Variants in TMEM260 observed in about 807,000 individuals in gnomAD.
TMEM260 encodes protein O-mannosyl-transferase TMEM260.
TMEM260 carries 82 observed loss-of-function variants against 88.9 expected under a neutral mutation model. That is an observed-to-expected ratio of 0.92 (90% CI 0.77 to 1.11). The LOEUF (loss-of-function observed/expected upper bound fraction) is 1.11. TMEM260 is among the 50% of genes least tolerant of loss of function. The probability of loss-of-function intolerance (pLI) is 0.00; values close to 1 mark genes in which losing one functional copy is unlikely to be tolerated. For missense variants in TMEM260, 902 were observed against 853.4 expected (o/e 1.06, Z -0.71); for synonymous variants, 314 against 309.3 (o/e 1.02, Z -0.16).
At chr14:56,622,752 A>T (rs375763988) in intron 11 of TMEM260, among the ~76,000 whole-genome samples, 2 of 152,356 alleles carry the variant, frequency 1.3e-5, no homozygotes, top group African/African-American at 2.4e-5. Context: ...GATGAATTCA[A>T]TTGAACAAAT....
rs1162580899 is a variant in TMEM260 at position 56,596,367 on chromosome 14, CAT to C, written c.345-7441_345-7440del. 3.5e-4 allele frequency among the ~76,000 whole-genome samples: 45 copies of C among 127,142 alleles called. 1 individual carries two copies. Among genetic ancestry groups the C allele is most frequent in the East Asian group, 9.2e-4 (4 of 4,350 alleles). The allele number at this position is 127,142 out of a possible 152,430, so 83.4% of individuals were successfully genotyped here. On this transcript the variant is annotated intron_variant, in intron 3 of 15. Coordinates refer to ENST00000261556, the MANE Select transcript of TMEM260 (RefSeq NM_017799.4). ...AATAGTTTTTCTAGGGACACACACA[CAT>C]ATATATGTGAGAGTGTGTGTGTGTG...
At chr14:56,610,525 A>T (rs999891370) in intron 6 of TMEM260, among the ~76,000 whole-genome samples, 4 of 152,314 alleles carry the variant, frequency 2.6e-5, no homozygotes, top group Non-Finnish European at 4.4e-5. Context: ...TACAGGCGTG[A>T]GCCACCGCGC....
intron 12 of TMEM260, among the ~76,000 whole-genome samples, chr14:56,631,069 A>G (rs1486490921): frequency 6.6e-6 from 1 of 152,188 alleles, no homozygotes; most frequent in East Asian, 1.9e-4. Context: ...GGGGAATAAG[A>G]CAGAAGGAGA....
intron 3 of TMEM260, among the ~76,000 whole-genome samples, chr14:56,594,275 T>C (rs957837077): frequency 6.6e-6 from 1 of 152,232 alleles, no homozygotes; most frequent in African/African-American, 2.4e-5. Flanking sequence ...ATTAGCGATA[T>C]ATCTGTGAGT....
rs761998806 is a variant in TMEM260 at position 56,632,982 on chromosome 14, C to T, written c.1548-13C>T. ...AATTTTAAGTACATCATGTATTTTT[C>T]TGTTTCCAACAGAAAAGAAACATTT... On this transcript the variant is annotated splice_polypyrimidine_tract_variant and intron_variant, in intron 12 of 15. Transcript: ENST00000261556. 2 of 1,608,138 alleles carry T rather than the reference C, an allele frequency of 1.2e-6. No individual in the cohort carries two copies. The highest frequency in any genetic ancestry group is 2.2e-5 in the South Asian group (2 of 90,316).
intron 15 of TMEM260, among the ~76,000 whole-genome samples, chr14:56,644,276 C>T (rs1889805564): frequency 6.6e-6 from 1 of 152,186 alleles, no homozygotes; most frequent in Non-Finnish European, 1.5e-5. Flanking sequence ...GCTACACTAA[C>T]CAAAACAGCA....
Position 56,605,601 on chromosome 14 carries a change from T to G in TMEM260, c.554T>G (p.Leu185Arg). The change falls in exon 5 of 16, where the codon CTT becomes CGT. Residue 185 changes from leucine (L) to arginine (R), a missense_variant. Transcript: ENST00000261556. ...AAAATTGGTGCTTTCTGCTGTGGCC[T>G]TAGTTTATGTAACCAGCACACAATA... is the stretch of plus-strand genomic sequence containing the variant. ...VAKIGAFCCG[L>R]SLCNQHTIIL... The G allele has an allele frequency of 6.3e-7, 1 of 1,578,450 alleles. No individual in the cohort carries two copies. Among genetic ancestry groups the G allele is most frequent in the Admixed American group, 1.8e-5 (1 of 55,102 alleles).
chr14:56,628,645 G>A (rs867231615), intron 12 of TMEM260, among the ~76,000 whole-genome samples: 15 of 151,506 alleles, frequency 9.9e-5, no homozygotes, highest in African/African-American at 3.4e-4. Flanking sequence ...AATCTTCTGG[G>A]GTTTTTTATT....
rs950573360 is a variant in TMEM260, at chr14:56,618,486, C to T, written c.1057-108C>T. 8.2e-6 allele frequency: 8 copies of T among 970,936 alleles called. No homozygotes were observed. The African/African-American group carries it at 9.9e-5, about 12-fold the overall frequency. 60.1% of individuals were successfully genotyped at this position (970,936 alleles called of 1,614,324 possible). On this transcript the variant is annotated intron_variant, in intron 9 of 15. Transcript: ENST00000261556. ...TCAGTTAACAAAACCTGAATGACAACAGGCACACACAACTAGGTGCATGCA... is the reference window on the plus strand; with the variant it reads ...TCAGTTAACAAAACCTGAATGACAATAGGCACACACAACTAGGTGCATGCA...
downstream of TMEM260, among the ~76,000 whole-genome samples, chr14:56,653,736 C>CAAAAA (rs10522889): frequency 3.5e-4 from 23 of 66,564 alleles, no homozygotes; most frequent in South Asian, 0.011. Flanking sequence ...CTCTTGTCTC[C>CAAAAA]AAAACAAAAA....
Position 56,603,847 on chromosome 14 carries a change from C to T in TMEM260, c.377C>T (p.Ala126Val), listed in dbSNP as rs1447833652. The T allele has an allele frequency of 8.7e-6, 14 of 1,613,702 alleles. No homozygotes were observed. The highest frequency in any genetic ancestry group is 1.3e-5 in the African/African-American group (1 of 74,888). ...LSGSSAGGIL[A>V]AGVFSFSRLT... ...GGCTCATCTGCTGGAGGAATCCTTG[C>T]TGCGGGGGTGTTTTCATTTTCTCGT... is the stretch of plus-strand genomic sequence containing the variant. The change falls in exon 4 of 16, where the codon GCT becomes GTT. Residue 126 changes from alanine to valine, a missense_variant. Transcript: ENST00000261556.
At chr14:56,586,816 T>G (rs533432917) in intron 3 of TMEM260, among the ~76,000 whole-genome samples, 3 of 152,140 alleles carry the variant, frequency 2.0e-5, no homozygotes, top group Non-Finnish European at 4.4e-5. Flanking sequence ...AAATTCTCTT[T>G]TAATTATTTA....
At chr14:56,625,590 C>T in intron 12 of TMEM260, 60 bp downstream of exon 12, 1 of 1,429,058 alleles carries the variant, frequency 7.0e-7, no homozygotes, top group Non-Finnish European at 9.6e-7. Context: ...AAAATTGTTT[C>T]TGTAGCAGTT....
chr14:56,641,797 C>A (rs981365533), intron 15 of TMEM260, among the ~76,000 whole-genome samples: 1 of 152,082 alleles, frequency 6.6e-6, no homozygotes, highest in Non-Finnish European at 1.5e-5. Context: ...CACACATAGG[C>A]TCAAAATAAA....
At chr14:56,586,172 T>G (rs1399944451) in intron 3 of TMEM260, among the ~76,000 whole-genome samples, 2 of 152,168 alleles carry the variant, frequency 1.3e-5, no homozygotes, top group African/African-American at 2.4e-5. Context: ...ATGAGGTTTG[T>G]CATTTTGTGA....
chr14:56,647,204 G>C, intron 15 of TMEM260, 39 bp from the exon 16 acceptor site: 1 of 1,523,658 alleles, frequency 6.6e-7, no homozygotes, highest in Non-Finnish European at 8.8e-7. Context: ...AAAAGTCAAA[G>C]AATAACAATG....
At chr14:56,609,065 A>G in intron 5 of TMEM260, 41 bp from the exon 6 acceptor site, 1 of 1,588,722 alleles carries the variant, frequency 6.3e-7, no homozygotes, top group East Asian at 2.2e-5. Context: ...TGAATCTACT[A>G]AAATAAACAT....
At chr14:56,629,176 G>A (rs959567434) in intron 12 of TMEM260, among the ~76,000 whole-genome samples, 8 of 151,662 alleles carry the variant, frequency 5.3e-5, no homozygotes, top group East Asian at 1.9e-4. Context: ...GATTACAGGC[G>A]TGAGCCACCA....
At chr14:56,622,813 T>C (rs1039622388) in intron 11 of TMEM260, among the ~76,000 whole-genome samples, 1 of 152,222 alleles carries the variant, frequency 6.6e-6, no homozygotes, top group Non-Finnish European at 1.5e-5. Flanking sequence ...ATAATTATAA[T>C]TTTTGGAGAA....
Sources: gnomAD v4.1 joint callset for allele counts (sites outside exome capture counted in the v4.1 genomes callset) on GRCh38, gnomAD v4.1.1 for gene constraint, MANE v1.5 for transcripts, NCBI Gene and HGNC (gene_info 2026-07-23, HGNC 2026-07-21) for gene names.